The following SMARCAL1 variants were observed in gnomAD, a reference collection of about 807,000 sequenced individuals.
SMARCAL1 encodes SNF2 related chromatin remodeling annealing helicase 1, also known as ATP-driven annealing helicase.
In SMARCAL1, 58 loss-of-function variants were observed where a neutral mutation model predicts 94.5. That is an observed-to-expected ratio of 0.61 (90% CI 0.50 to 0.76). The LOEUF (loss-of-function observed/expected upper bound fraction) is 0.76. Ranked by LOEUF, SMARCAL1 falls within the 30% of genes least tolerant of loss-of-function variation. SMARCAL1 has a pLI of 0.00. For synonymous variants in SMARCAL1, 422 were observed against 455.1 expected (o/e 0.93, Z 0.93); for missense variants, 1,051 against 1,177.9 (o/e 0.89, Z 1.58).
At chr2:216,422,844 T>A (rs1693754184) in intron 5 of SMARCAL1, among the ~76,000 whole-genome samples, 1 of 152,214 alleles carries the variant, frequency 6.6e-6, no homozygotes, top group Non-Finnish European at 1.5e-5. Context: ...ATTTAAAGAA[T>A]CAGCCACCAT....
chr2:216,456,997 G>A (rs569188518), intron 12 of SMARCAL1, among the ~76,000 whole-genome samples: 2 of 152,200 alleles, frequency 1.3e-5, no homozygotes, highest in African/African-American at 4.8e-5. Context: ...GATGGAGGAA[G>A]ATCTACCAAG....
intron 5 of SMARCAL1, among the ~76,000 whole-genome samples, chr2:216,422,078 G>C (rs534583757): frequency 2.0e-5 from 3 of 152,234 alleles, no homozygotes; most frequent in Admixed American, 1.3e-4. Context: ...GCTTCAGCTT[G>C]GGGTGGCCCT....
intron 17 of SMARCAL1, among the ~76,000 whole-genome samples, chr2:216,481,865 T>TA (rs1695209284): frequency 6.6e-6 from 1 of 152,104 alleles, no homozygotes; most frequent in African/African-American, 2.4e-5. Flanking sequence ...TCAGTGGAGA[T>TA]ATGGAAAATA....
intron 12 of SMARCAL1, among the ~76,000 whole-genome samples, chr2:216,462,718 G>T (rs1329205733): frequency 1.3e-5 from 2 of 152,118 alleles, no homozygotes; most frequent in Non-Finnish European, 2.9e-5. Flanking sequence ...AGATGCAGTG[G>T]CTCATGCCTG....
At chr2:216,478,786 C>T (rs1208564356) in intron 17 of SMARCAL1, among the ~76,000 whole-genome samples, 1 of 152,236 alleles carries the variant, frequency 6.6e-6, no homozygotes, top group Non-Finnish European at 1.5e-5. Context: ...TAGGTTTGCA[C>T]AAAGTCACAG....
intron 12 of SMARCAL1, among the ~76,000 whole-genome samples, chr2:216,458,761 GA>G (rs1175756390): frequency 6.6e-6 from 1 of 152,166 alleles, no homozygotes; most frequent in Non-Finnish European, 1.5e-5. Context: ...CATTCCCTTT[GA>G]AAACTGGCAC....
In SMARCAL1 at chr2:216,435,196, T is replaced by G. The variant is rs559020049; in HGVS notation, c.1486-142T>G. 85 of 820,380 alleles carry G rather than the reference T, an allele frequency of 1.0e-4. 1 individual carries two copies. The East Asian group carries it at 2.1e-3, about 20-fold the overall frequency. The allele number at this position is 820,380 out of a possible 1,614,324, so 50.8% of individuals were successfully genotyped here. On this transcript the variant is annotated intron_variant, in intron 8 of 17. Coordinates refer to ENST00000357276, the MANE Select transcript of SMARCAL1 (RefSeq NM_014140.4). ...AAAAAACAAAAAAGGGAGTGTCCTGTTAGTGGCAAGTGAAGGGGCACAGGT... is the reference window on the plus strand; with the variant it reads ...AAAAAACAAAAAAGGGAGTGTCCTGGTAGTGGCAAGTGAAGGGGCACAGGT...
intron 14 of SMARCAL1, 22 bp downstream of exon 14, chr2:216,468,068 C>T (rs758970055): frequency 2.0e-6 from 3 of 1,536,148 alleles, no homozygotes; most frequent in African/African-American, 2.7e-5. Context: ...TTGAAATTCA[C>T]CATGGGCTAC....
rs117974043 is a variant in SMARCAL1 at position 216,430,680 on chromosome 2, A to T, written c.1334+1898A>T. Among the ~76,000 whole-genome samples, 38 of 152,296 alleles carry T rather than the reference A, an allele frequency of 2.5e-4. No homozygotes were observed. The East Asian group carries it at 6.4e-3, about 25-fold the overall frequency. On this transcript the variant is annotated intron_variant, in intron 7 of 17. Coordinates refer to ENST00000357276, the MANE Select transcript of SMARCAL1 (RefSeq NM_014140.4). ...GGAAAAAGGAGAGAATGTGAAATTC[A>T]GGGGGTCCATTCTGCTCTAAGGATG...
At chr2:216,436,355 C>G (rs1694082248) in intron 9 of SMARCAL1, among the ~76,000 whole-genome samples, 1 of 152,226 alleles carries the variant, frequency 6.6e-6, no homozygotes, top group Admixed American at 6.5e-5. Context: ...CTACTTTTAA[C>G]TCCTCACATA....
chr2:216,442,416 C>CA (rs375677725), intron 10 of SMARCAL1, among the ~76,000 whole-genome samples: 17,758 of 88,284 alleles, frequency 0.2, 2,714 homozygotes, highest in African/African-American at 0.45. Flanking sequence ...GACTCTGTCT[C>CA]AAAAAAAAAA....
At chr2:216,415,885 GTTTC>G in intron 3 of SMARCAL1, 1 of 377,500 alleles carries the variant, frequency 2.6e-6, no homozygotes, top group South Asian at 2.6e-5. Context: ...GACAGGCCCA[GTTTC>G]ATTGGTCTGG....
At chr2:216,426,010 T>C (rs928436557) in intron 6 of SMARCAL1, among the ~76,000 whole-genome samples, 1 of 152,170 alleles carries the variant, frequency 6.6e-6, no homozygotes, top group Non-Finnish European at 1.5e-5. Context: ...TATAGGCGCA[T>C]ATCCCCATGG....
intron 17 of SMARCAL1, chr2:216,479,330 C>A (rs1454204139): frequency 6.6e-6 from 1 of 151,392 alleles, no homozygotes; most frequent in Non-Finnish European, 1.5e-5. Flanking sequence ...CCAGCTACTC[C>A]AGAGGAAAAG....
At chr2:216,463,480 A>G (rs1694753511) in intron 12 of SMARCAL1, among the ~76,000 whole-genome samples, 1 of 151,984 alleles carries the variant, frequency 6.6e-6, no homozygotes. Flanking sequence ...ACTTCCCACC[A>G]CCACTGCACT....
intron 12 of SMARCAL1, among the ~76,000 whole-genome samples, chr2:216,455,474 C>G (rs1181103822): frequency 6.6e-6 from 1 of 152,208 alleles, no homozygotes; most frequent in African/African-American, 2.4e-5. Context: ...TGACACCTCA[C>G]ACGGCCAGGT....
At position 216,467,603 on chromosome 2, in the gene SMARCAL1, C is replaced by A. The variant is rs148142819; in HGVS notation, c.2142-341C>A. ...GTCCTCTGCCTTGGAAGAGAATTAACTGACTTAACTACTGGCCCTGTCATT... is the reference window on the plus strand; with the variant it reads ...GTCCTCTGCCTTGGAAGAGAATTAAATGACTTAACTACTGGCCCTGTCATT... On this transcript the variant is annotated intron_variant, in intron 13 of 17. Coordinates refer to ENST00000357276, the MANE Select transcript of SMARCAL1 (RefSeq NM_014140.4). Among the ~76,000 whole-genome samples the A allele has an allele frequency of 4.9e-3, 743 of 151,598 alleles. 5 individuals carry two copies. Among genetic ancestry groups the A allele is most frequent in the Middle Eastern group, 0.017 (5 of 292 alleles).
chr2:216,439,148 G>A (rs932475864), intron 10 of SMARCAL1, among the ~76,000 whole-genome samples: 17 of 152,090 alleles, frequency 1.1e-4, no homozygotes, highest in African/African-American at 3.9e-4. Context: ...GTGCTTTGGC[G>A]GGTGTGAGTT....
chr2:216,473,324 T>C (rs936118270), intron 14 of SMARCAL1, among the ~76,000 whole-genome samples: 2 of 152,076 alleles, frequency 1.3e-5, no homozygotes, highest in Non-Finnish European at 2.9e-5. Context: ...TCCATGTTGT[T>C]GTGTGTCTCG....
Sources: gnomAD v4.1 joint callset for allele counts (sites outside exome capture counted in the v4.1 genomes callset) on GRCh38, gnomAD v4.1.1 for gene constraint, MANE v1.5 for transcripts, NCBI Gene and HGNC (gene_info 2026-07-23, HGNC 2026-07-21) for gene names.